MACROD2: variants seen among roughly 807,000 people sequenced by gnomAD.
MACROD2 encodes ADP-ribose glycohydrolase MACROD2.
A neutral mutation model predicts 70.4 loss-of-function variants in MACROD2; 36 were observed. The observed-to-expected ratio is 0.51, with a 90% CI of 0.39 to 0.68. The LOEUF is 0.68. Among genes scored for constraint, MACROD2 ranks in the 30% least tolerant of loss-of-function variants. MACROD2 has a pLI of 0.00. For missense variants in MACROD2, 496 were observed against 538.4 expected, an observed-to-expected ratio of 0.92 and a Z score of 0.78; for synonymous variants, 172 against 178.8, an observed-to-expected ratio of 0.96 and a Z score of 0.30.
intron 5 of MACROD2, among the ~76,000 whole-genome samples, chr20:15,173,478 C>T (rs139719390): frequency 2.9e-4 from 44 of 152,194 alleles, no homozygotes; most frequent in African/African-American, 1.0e-3. Context: ...TTTGGCAAAT[C>T]GAAGGAATGT....
intron 5 of MACROD2, among the ~76,000 whole-genome samples, chr20:15,049,780 T>C (rs1396177428): frequency 2.0e-5 from 3 of 151,962 alleles, no homozygotes; most frequent in Non-Finnish European, 4.4e-5. Context: ...AAACCCTGTC[T>C]CTACTAAAAA....
intron 6 of MACROD2, among the ~76,000 whole-genome samples, chr20:15,395,074 G>A (rs555685056): frequency 6.6e-6 from 1 of 152,286 alleles, no homozygotes; most frequent in East Asian, 1.9e-4. Flanking sequence ...ATGAAGAAAG[G>A]AGAGAGGGTA....
chr20:15,663,067 C>G (rs967186880), intron 8 of MACROD2, among the ~76,000 whole-genome samples: 2 of 152,022 alleles, frequency 1.3e-5, no homozygotes, highest in Non-Finnish European at 2.9e-5. Context: ...GAATAGAAGT[C>G]AGCTGGCTGT....
chr20:14,573,117 A>G (rs1055330251), intron 4 of MACROD2, among the ~76,000 whole-genome samples: 2 of 152,026 alleles, frequency 1.3e-5, no homozygotes, highest in Non-Finnish European at 2.9e-5. Flanking sequence ...GCCAGGTGGA[A>G]TAACATCAGG....
intron 4 of MACROD2, among the ~76,000 whole-genome samples, chr20:14,637,042 C>G (rs894724776): frequency 3.9e-5 from 6 of 152,228 alleles, no homozygotes; most frequent in Non-Finnish European, 8.8e-5. Flanking sequence ...TTTTCATACT[C>G]TACAAACAAG....
At chr20:15,490,750 G>A (rs1354191849) in intron 7 of MACROD2, among the ~76,000 whole-genome samples, 3 of 152,154 alleles carry the variant, frequency 2.0e-5, no homozygotes, top group Admixed American at 6.5e-5. Context: ...AAAGAAACAG[G>A]TAGTGAGGAT....
At chr20:15,295,386 T>C (rs1230721319) in intron 6 of MACROD2, among the ~76,000 whole-genome samples, 4 of 152,190 alleles carry the variant, frequency 2.6e-5, no homozygotes, top group Non-Finnish European at 1.5e-5. Context: ...ACACAATTCT[T>C]CCTGCCTTTC....
intron 8 of MACROD2, among the ~76,000 whole-genome samples, chr20:15,696,680 T>TTTTTG (rs1408293148): frequency 3.1e-4 from 43 of 139,842 alleles, no homozygotes; most frequent in South Asian, 3.1e-3. Flanking sequence ...GTCCTGGAGT[T>TTTTTG]TTTTTTTTTT....
chr20:15,097,581 A>G (rs1174192338), intron 5 of MACROD2, among the ~76,000 whole-genome samples: 6 of 152,198 alleles, frequency 3.9e-5, no homozygotes, highest in African/African-American at 1.2e-4. Flanking sequence ...ATAAAATGTC[A>G]TAAGTGAACA....
At chr20:15,519,113 T>TCCTTCCTTCCTC in intron 8 of MACROD2, among the ~76,000 whole-genome samples, 1 of 143,778 alleles carries the variant, frequency 7.0e-6, no homozygotes, top group Admixed American at 6.9e-5. Flanking sequence ...CTTCCTTCCT[T>TCCTTCCTTCCTC]CCTTCCTTTC....
chr20:14,909,644 C>G (rs1001036915), intron 5 of MACROD2, among the ~76,000 whole-genome samples: 1 of 152,002 alleles, frequency 6.6e-6, no homozygotes, highest in Non-Finnish European at 1.5e-5. Flanking sequence ...GAAACTCTGA[C>G]CTACCTCTTT....
chr20:14,529,465 A>G (rs1005118698), intron 4 of MACROD2, among the ~76,000 whole-genome samples: 1 of 152,280 alleles, frequency 6.6e-6, no homozygotes, highest in African/African-American at 2.4e-5. Context: ...AGGCCAGGAT[A>G]GGCTCCTCTT....
At chr20:15,740,108 G>A (rs187281267) in intron 8 of MACROD2, among the ~76,000 whole-genome samples, 256 of 152,292 alleles carry the variant, frequency 1.7e-3, no homozygotes, top group Middle Eastern at 6.8e-3. Flanking sequence ...GGTCTCAGGC[G>A]CTATGACCAG....
At chr20:14,295,558 G>T (rs1215237693) in intron 3 of MACROD2, among the ~76,000 whole-genome samples, 4 of 151,264 alleles carry the variant, frequency 2.6e-5, no homozygotes, top group African/African-American at 9.8e-5. Flanking sequence ...ATTAGGAGGG[G>T]ACTGTGTGGG....
At chr20:15,836,461 G>A (rs6043570) in intron 8 of MACROD2, among the ~76,000 whole-genome samples, 123,577 of 152,164 alleles carry the variant, frequency 0.81, 50,574 homozygotes, top group African/African-American at 0.91. Flanking sequence ...CACAATGAAG[G>A]CATAATCTTT....
chr20:14,946,696 G>T (rs1243541201), intron 5 of MACROD2, among the ~76,000 whole-genome samples: 8 of 152,164 alleles, frequency 5.3e-5, no homozygotes, highest in Non-Finnish European at 1.2e-4. Flanking sequence ...GGTAAAAATA[G>T]ACATTAGTTT....
intron 9 of MACROD2, among the ~76,000 whole-genome samples, chr20:15,874,087 C>T (rs1007374707): frequency 5.0e-5 from 7 of 140,546 alleles, no homozygotes; most frequent in Non-Finnish European, 7.7e-5. Context: ...CCCAACAGGC[C>T]CCAGTGTGTG....
chr20:15,043,787 A>G (rs575147181), intron 5 of MACROD2, among the ~76,000 whole-genome samples: 2 of 152,122 alleles, frequency 1.3e-5, no homozygotes, highest in Non-Finnish European at 2.9e-5. Flanking sequence ...GGTTCCCACG[A>G]CACTCTCCTC....
chr20:15,377,392 C>T (rs1376265661), intron 6 of MACROD2, among the ~76,000 whole-genome samples: 2 of 152,158 alleles, frequency 1.3e-5, no homozygotes. Flanking sequence ...TATTTTGCTT[C>T]ATTTTTAGCT....
Sources: allele counts gnomAD v4.1 joint callset (sites outside exome capture counted in the v4.1 genomes callset), GRCh38; gene constraint gnomAD v4.1.1; transcripts MANE v1.5; gene names NCBI Gene and HGNC (gene_info 2026-07-23, HGNC 2026-07-21).